XRCC5: variants seen among roughly 807,000 people sequenced by gnomAD.
The protein encoded by XRCC5 is X-ray repair cross complementing 5.
In XRCC5, 12 loss-of-function variants were observed where a neutral mutation model predicts 95.7. The observed-to-expected ratio is 0.13, with a 90% CI of 0.08 to 0.20. The LOEUF is 0.20. XRCC5 is among the 10% of genes least tolerant of loss of function. The probability of loss-of-function intolerance (pLI) is 1.00; values close to 1 mark genes in which losing one functional copy is unlikely to be tolerated. For missense variants in XRCC5, 595 were observed against 873.9 expected (o/e 0.68, Z 4.02); for synonymous variants, 281 against 290.3 (o/e 0.97, Z 0.33).
intron 10 of XRCC5, among the ~76,000 whole-genome samples, chr2:216,134,681 C>CT (rs1470195842): frequency 6.6e-6 from 1 of 150,986 alleles, no homozygotes; most frequent in South Asian, 2.1e-4. Context: ...CACCCCCCCC[C>CT]CTCCTCGGCC....
At chr2:216,131,439 C>G (rs974299407) in intron 9 of XRCC5, among the ~76,000 whole-genome samples, 4 of 152,096 alleles carry the variant, frequency 2.6e-5, no homozygotes, top group Non-Finnish European at 5.9e-5. Flanking sequence ...TTTCATAGAT[C>G]AGACAAAGTT....
chr2:216,190,149 A>G (rs552828119), intron 16 of XRCC5, 76 bp from the exon 17 acceptor site: 2 of 1,266,118 alleles, frequency 1.6e-6, no homozygotes, highest in Middle Eastern at 1.9e-4. Flanking sequence ...ATACATACTT[A>G]TAGGCACAAA....
intron 16 of XRCC5, among the ~76,000 whole-genome samples, chr2:216,166,824 G>A (rs1309560137): frequency 1.3e-5 from 2 of 152,162 alleles, no homozygotes; most frequent in Non-Finnish European, 2.9e-5. Flanking sequence ...CTGAGTATGG[G>A]AGATAATGTA....
chr2:216,117,922 T>G, intron 4 of XRCC5, 128 bp downstream of exon 4: 1 of 999,260 alleles, frequency 1.0e-6, no homozygotes, highest in South Asian at 1.4e-5. Context: ...AGAAACATTT[T>G]ATAGAATTGA....
At chr2:216,130,413 A>G (rs1055590094) in intron 8 of XRCC5, among the ~76,000 whole-genome samples, 21 of 152,242 alleles carry the variant, frequency 1.4e-4, no homozygotes, top group African/African-American at 4.8e-4. Context: ...CAGGCATTGC[A>G]TATCTCCAGC....
intron 16 of XRCC5, among the ~76,000 whole-genome samples, chr2:216,178,558 C>A (rs1246339095): frequency 6.6e-6 from 1 of 152,160 alleles, no homozygotes; most frequent in Non-Finnish European, 1.5e-5. Flanking sequence ...AAGGTGTACA[C>A]CAAGATGAGA....
At chr2:216,118,547 G>A (rs1307785675) in intron 4 of XRCC5, among the ~76,000 whole-genome samples, 1 of 152,128 alleles carries the variant, frequency 6.6e-6, no homozygotes, top group East Asian at 1.9e-4. Context: ...ATATGTGCAT[G>A]TACACATACC....
intron 16 of XRCC5, among the ~76,000 whole-genome samples, chr2:216,182,091 T>C (rs1424267486): frequency 2.6e-5 from 4 of 152,204 alleles, no homozygotes; most frequent in Non-Finnish European, 5.9e-5. Flanking sequence ...TCTTGAGGCA[T>C]CCTAGAAGAC....
intron 7 of XRCC5, among the ~76,000 whole-genome samples, chr2:216,127,078 TAA>T (rs1420076375): frequency 3.3e-5 from 5 of 152,126 alleles, no homozygotes; most frequent in Admixed American, 3.3e-4. Context: ...CTGTCTCTAC[TAA>T]AAACACAAAA....
intron 14 of XRCC5, among the ~76,000 whole-genome samples, chr2:216,151,061 T>C (rs1381501999): frequency 1.3e-5 from 2 of 152,102 alleles, no homozygotes; most frequent in Admixed American, 6.5e-5. Flanking sequence ...AGGAATGTAT[T>C]TGGAGGGAAG....
chr2:216,177,227 A>G (rs1050485373), intron 16 of XRCC5, among the ~76,000 whole-genome samples: 1 of 152,166 alleles, frequency 6.6e-6, no homozygotes, highest in African/African-American at 2.4e-5. Flanking sequence ...GTTTGTTCAA[A>G]TCTGTCTTTT....
In XRCC5 at chr2:216,114,773, T is replaced by G. The variant is rs73058421; in HGVS notation, c.135+1644T>G. Among the ~76,000 whole-genome samples, 856 of 152,242 alleles carry G rather than the reference T, an allele frequency of 5.6e-3. 8 individuals carry two copies. The highest frequency in any genetic ancestry group is 0.019 in the African/African-American group (791 of 41,518). On this transcript the variant is annotated intron_variant, in intron 2 of 20. Coordinates refer to ENST00000392132, the MANE Select transcript of XRCC5 (RefSeq NM_021141.4). ...TCCTTAAGGTTTCGAGCATGCGCAG[T>G]AAAAGAGCAAGATGGTGAACTTTAA...
Position 216,177,479 on chromosome 2 carries a change from A to G in XRCC5, c.1835-12746A>G, listed in dbSNP as rs149501773. On this transcript the variant is annotated intron_variant, in intron 16 of 20. Transcript: ENST00000392132. ...CATTTTAGGAAAAATAAACTTAGCT[A>G]TGTGTGCTGCAAGACTGTATGTGTT... Among the ~76,000 whole-genome samples, 1,249 of 152,268 alleles carry G rather than the reference A, an allele frequency of 8.2e-3. 19 individuals are homozygous for G. Among genetic ancestry groups the G allele is most frequent in the Admixed American group, 0.032 (496 of 15,292 alleles).
At chr2:216,136,415 A>G (rs950913080) in intron 10 of XRCC5, among the ~76,000 whole-genome samples, 5 of 151,898 alleles carry the variant, frequency 3.3e-5, no homozygotes, top group Non-Finnish European at 7.4e-5. Flanking sequence ...AACTCATGGG[A>G]CTGGATGAAA....
chr2:216,118,419 C>G (rs1696741958), intron 4 of XRCC5, among the ~76,000 whole-genome samples: 1 of 152,174 alleles, frequency 6.6e-6, no homozygotes, highest in Non-Finnish European at 1.5e-5. Flanking sequence ...TCAAGCAGTC[C>G]TCCTATCTTG....
At position 216,149,603 on chromosome 2, in the gene XRCC5, T is replaced by TTC. The variant is rs1553573039; in HGVS notation, c.1670+1335_1670+1336dup. The stretch of plus-strand genomic sequence containing the variant: ...AAGTCTCACTGCAATCACAGGGCTA[T>TTC]TCTCTCTCTGTGTGTTAAATCTCCA... On this transcript the variant is annotated intron_variant, in intron 14 of 20. Coordinates refer to ENST00000392132, the MANE Select transcript of XRCC5 (RefSeq NM_021141.4). Among the ~76,000 whole-genome samples the TTC allele has an allele frequency of 2.2e-3, 271 of 124,776 alleles. 2 individuals are homozygous for TTC. The highest frequency in any genetic ancestry group is 0.014 in the Admixed American group (187 of 13,636). The allele number at this position is 124,776 out of a possible 152,430, so 81.9% of individuals were successfully genotyped here. A position where few individuals can be genotyped will look rare whatever the true frequency, so the allele number is the denominator to read the frequency against.
chr2:216,119,274 C>A, intron 5 of XRCC5, 109 bp downstream of exon 5: 3 of 1,204,586 alleles, frequency 2.5e-6, no homozygotes, highest in African/African-American at 1.5e-5. Flanking sequence ...CTTTCTGCTC[C>A]AAGGCTGAAT....
chr2:216,148,409 GC>G (rs1688679452), intron 14 of XRCC5, 133 bp downstream of exon 14: 1 of 752,264 alleles, frequency 1.3e-6, no homozygotes, highest in African/African-American at 1.8e-5. Context: ...TTGCTATTTG[GC>G]CCTTATATTG....
chr2:216,120,897 G>A (rs1574453128), intron 5 of XRCC5, among the ~76,000 whole-genome samples: 2 of 152,126 alleles, frequency 1.3e-5, no homozygotes, highest in Middle Eastern at 3.4e-3. Flanking sequence ...CACCACGCCC[G>A]GCTAATATTT....
Sources: gnomAD v4.1 joint callset for allele counts (sites outside exome capture counted in the v4.1 genomes callset) on GRCh38, gnomAD v4.1.1 for gene constraint, MANE v1.5 for transcripts, NCBI Gene and HGNC (gene_info 2026-07-23, HGNC 2026-07-21) for gene names.